DIO2: variants seen among roughly 807,000 people sequenced by gnomAD.
DIO2 encodes the protein iodothyronine deiodinase 2, also known as type II iodothyronine deiodinase.
In DIO2, 19 loss-of-function variants were observed where a neutral mutation model predicts 21.4. The ratio of observed to expected loss-of-function variants is 0.89; its 90% CI spans 0.62 to 1.30. The LOEUF is 1.30. DIO2 is among the 50% of genes most tolerant of loss of function. The pLI is 0.00. For synonymous variants in DIO2, 122 were observed against 132.9 expected, an observed-to-expected ratio of 0.92 and a Z score of 0.57; for missense variants, 302 against 338.1, an observed-to-expected ratio of 0.89 and a Z score of 0.84.
In DIO2 at chr14:80,203,219, T is replaced by TGTTGTC; in HGVS notation, c.286_291dup (p.Asp96_Asn97dup). On this transcript the variant is annotated inframe_insertion, in exon 2 of 2. Transcript: ENST00000438257. ...ATCTTCTCCTGGGTACCATTGCCACTGTTGTCACCTCCTTCTGTACTGGAG... is the reference window on the plus strand; with the variant it reads ...ATCTTCTCCTGGGTACCATTGCCACTGTTGTCGTTGTCACCTCCTTCTGTACTGGAG... 6.2e-7 allele frequency: 1 copy of TGTTGTC among 1,609,546 alleles called. No individual in the cohort carries two copies. Among genetic ancestry groups the TGTTGTC allele is most frequent in the South Asian group, 1.1e-5 (1 of 90,156 alleles).
At chr14:80,218,117 AT>A (rs1888393085) in intron 2 of DIO2, among the ~76,000 whole-genome samples, 2 of 152,212 alleles carry the variant, frequency 1.3e-5, no homozygotes, top group South Asian at 2.1e-4. Context: ...TATAAAAAAA[AT>A]CTTGACAAGT....
intron 2 of DIO2, among the ~76,000 whole-genome samples, chr14:80,222,806 G>A (rs745712819): frequency 6.0e-5 from 9 of 150,798 alleles, no homozygotes; most frequent in Non-Finnish European, 1.2e-4. Context: ...ACTATATATG[G>A]TTATTTATTG....
At chr14:80,206,434 C>G in intron 1 of DIO2, 1 of 637,734 alleles carries the variant, frequency 1.6e-6, no homozygotes, top group Non-Finnish European at 2.6e-6. Flanking sequence ...TTCTCATCTC[C>G]CCATTTGGTC....
intron 1 of DIO2, among the ~76,000 whole-genome samples, 185 bp downstream of exon 1, chr14:80,211,066 T>A (rs920358656): frequency 1.3e-5 from 2 of 152,176 alleles, no homozygotes; most frequent in Non-Finnish European, 2.9e-5. Context: ...TATGGCTTAA[T>A]AGCTGTCACC....
intron 1 of DIO2, among the ~76,000 whole-genome samples, chr14:80,209,382 A>T (rs1255308266): frequency 6.6e-6 from 1 of 151,962 alleles, no homozygotes; most frequent in East Asian, 1.9e-4. Context: ...GGCAAAAGGC[A>T]ATTGTCCTTC....
intron 1 of DIO2, among the ~76,000 whole-genome samples, chr14:80,207,912 A>G (rs888221418): frequency 3.9e-5 from 6 of 152,168 alleles, no homozygotes; most frequent in Non-Finnish European, 7.4e-5. Flanking sequence ...CCATTGTGGA[A>G]ACTAGTGTCA....
Position 80,203,086 on chromosome 14 carries a change from G to C in DIO2, c.425C>G (p.Ala142Gly), listed in dbSNP as rs772180266. 23 of 1,613,780 alleles carry C rather than the reference G, an allele frequency of 1.4e-5. No homozygotes were observed. In the African/African-American group the frequency reaches 2.9e-4, roughly 21 times the overall value. Residue 142 changes from alanine (A) to glycine (G), a missense_variant, in exon 2 of 2, where the codon GCC becomes GGC. By Grantham distance (60) the Ala-to-Gly change is moderately conservative. Coordinates refer to ENST00000438257, the MANE Select transcript of DIO2 (RefSeq NM_013989.5). ...TUPPFTSQLP[A>G]FRKLVEEFSS... ...GAACTCTTCCACCAGTTTGCGGAAG[G>C]CTGGCAGCTGGCTCGTGAAAGGAGG...
intron 1 of DIO2, among the ~76,000 whole-genome samples, chr14:80,210,764 C>T (rs1056137262): frequency 6.6e-5 from 10 of 152,298 alleles, no homozygotes; most frequent in African/African-American, 2.4e-4. Context: ...TCTATGACCA[C>T]TTTCTTATCT....
Position 80,201,516 on chromosome 14 carries a change from T to C in DIO2, c.*1173A>G, listed in dbSNP as rs1487147932. The C allele has an allele frequency of 3.3e-5, 5 of 152,168 alleles. No individual in the cohort carries two copies. The highest frequency in any genetic ancestry group is 7.2e-5 in the African/African-American group (3 of 41,422). The allele number at this position is 152,168 out of a possible 1,614,324, so 9.4% of individuals were successfully genotyped here. ...TTGTATGTATGTATGTATGTGTGTA[T>C]GTACGTATAATTTCTTCAGCTCAGC... On this transcript the variant is annotated 3_prime_UTR_variant, in exon 2 of 2. Transcript: ENST00000438257.
chr14:80,214,030 C>G (rs1039602912), upstream of DIO2, among the ~76,000 whole-genome samples: 1 of 152,184 alleles, frequency 6.6e-6, no homozygotes, highest in African/African-American at 2.4e-5. Context: ...TGTATCTTCT[C>G]AAACTACTCA....
intron 2 of DIO2, among the ~76,000 whole-genome samples, chr14:80,220,040 TTGTGTGTGTGTGTG>T (rs10553303): frequency 6.7e-6 from 1 of 150,100 alleles, no homozygotes; most frequent in East Asian, 2.0e-4. Flanking sequence ...CAATCTTGTT[TTGTGTGTGTGTGTG>T]TGTGTGTGTG....
chr14:80,224,612 G>A (rs1321153683), intron 2 of DIO2, among the ~76,000 whole-genome samples: 4 of 151,456 alleles, frequency 2.6e-5, no homozygotes. Flanking sequence ...CCAGACTTCT[G>A]GCCTCCAAAA....
intron 1 of DIO2, among the ~76,000 whole-genome samples, chr14:80,210,192 TCAAGCCTGG>T (rs1365645994): frequency 2.6e-5 from 4 of 152,288 alleles, no homozygotes; most frequent in African/African-American, 9.6e-5. Context: ...TTCATTCTTC[TCAAGCCTGG>T]TTGAGGGGGT....
upstream of DIO2, among the ~76,000 whole-genome samples, chr14:80,214,023 A>G (rs1888290096): frequency 6.6e-6 from 1 of 152,364 alleles, no homozygotes; most frequent in African/African-American, 2.4e-5. Flanking sequence ...TACTGCATGT[A>G]TCTTCTCAAA....
At position 80,202,953 on chromosome 14, in the gene DIO2, C is replaced by G; in HGVS notation, c.558G>C (p.Gln186His). The G allele has an allele frequency of 6.2e-7, 1 of 1,614,008 alleles. No individual in the cohort carries two copies. The highest frequency in any genetic ancestry group is 8.5e-7 in the Non-Finnish European group (1 of 1,179,892). Residue 186 changes from glutamine (Q) to histidine (H), a missense_variant, in exon 2 of 2, where the codon CAG becomes CAC. Coordinates refer to ENST00000438257, the MANE Select transcript of DIO2 (RefSeq NM_013989.5). ...CTGCTGCACATCGATCTTCCTGGTT[C>G]TGGTGCTTCTTCACCTCAAAAGACA... ...SSLSFEVKKHQNQEDRCAAAQ... is the reference protein window; with the variant it reads ...SSLSFEVKKHHNQEDRCAAAQ...
chr14:80,225,690 A>G (rs1190619743), intron 2 of DIO2, among the ~76,000 whole-genome samples: 3 of 151,898 alleles, frequency 2.0e-5, no homozygotes, highest in African/African-American at 7.3e-5. Flanking sequence ...TGGTGAAGTG[A>G]CTCAAACCTT....
At position 80,202,297 on chromosome 14, in the gene DIO2, T is replaced by C. The variant is rs1405187003; in HGVS notation, c.*392A>G. ...TCCATGCCAAATAGAGCCAAGGCAA[T>C]ACCCTTTATCTTAACGTAGACAGTA... On this transcript the variant is annotated 3_prime_UTR_variant, in exon 2 of 2. Transcript: ENST00000438257. 9.5e-6 allele frequency: 5 copies of C among 524,462 alleles called. No individual in the cohort carries two copies. Among genetic ancestry groups the C allele is most frequent in the Non-Finnish European group, 1.5e-5 (4 of 263,978 alleles). 32.5% of individuals were successfully genotyped at this position (524,462 alleles called of 1,614,324 possible). A position where few individuals can be genotyped will look rare whatever the true frequency, so the allele number is the denominator to read the frequency against.
intron 1 of DIO2, among the ~76,000 whole-genome samples, chr14:80,204,105 A>T (rs112697130): frequency 6.6e-6 from 1 of 152,122 alleles, no homozygotes; most frequent in Non-Finnish European, 1.5e-5. Context: ...TGCCCTGAGC[A>T]AAGCTTTGCA....
At chr14:80,229,663 G>A (rs1267195103) in intron 2 of DIO2, among the ~76,000 whole-genome samples, 4 of 152,096 alleles carry the variant, frequency 2.6e-5, no homozygotes, top group Non-Finnish European at 2.9e-5. Context: ...CTCACAGTGT[G>A]CCATCTTTTA....
Sources: gnomAD v4.1 joint callset for allele counts (sites outside exome capture counted in the v4.1 genomes callset) on GRCh38, gnomAD v4.1.1 for gene constraint, MANE v1.5 for transcripts, NCBI Gene and HGNC (gene_info 2026-07-23, HGNC 2026-07-21) for gene names.